CRHR1: variants seen among roughly 807,000 people sequenced by gnomAD.
CRHR1 encodes corticotropin releasing hormone receptor 1.
In CRHR1, 28 loss-of-function variants were observed where a neutral mutation model predicts 56.0. The observed-to-expected ratio is 0.50, with a 90% confidence interval of 0.37 to 0.69. The LOEUF (loss-of-function observed/expected upper bound fraction) is 0.69, where lower values mean the gene tolerates loss of function less well. Ranked by LOEUF, CRHR1 falls within the 30% of genes least tolerant of loss-of-function variation. The pLI is 0.00. For missense variants in CRHR1, 376 were observed against 548.0 expected (o/e 0.69, Z 3.13); for synonymous variants, 195 against 216.5 (o/e 0.90, Z 0.87).
intron 3 of CRHR1, among the ~76,000 whole-genome samples, chr17:45,820,964 C>T (rs1414086778): frequency 6.6e-6 from 1 of 152,134 alleles, no homozygotes; most frequent in Non-Finnish European, 1.5e-5. Flanking sequence ...TGAGGTCTCA[C>T]CATTTTTTTG....
chr17:45,784,481 G>T lies in CRHR1; in HGVS notation c.-64G>T, dbSNP rs1381665008. ...GTGCCGCCCGAGCCCGCAGCCGCCC[G>T]CCGGTCCCTCTGGGATGTCCGTAGG... On this transcript the variant is annotated 5_prime_UTR_variant, in exon 1 of 13. Transcript: ENST00000314537. The surrounding 1 kb of genome is among the most constrained non-coding windows in gnomAD (Gnocchi z 4.2). The T allele has an allele frequency of 2.1e-6, 3 of 1,457,542 alleles. No individual in the cohort carries two copies. The highest frequency in any genetic ancestry group is 2.7e-6 in the Non-Finnish European group (3 of 1,095,292). The allele number at this position is 1,457,542 out of a possible 1,614,324, so 90.3% of individuals were successfully genotyped here. A position where few individuals can be genotyped will look rare whatever the true frequency, so the allele number is the denominator to read the frequency against.
At chr17:45,833,574 T>C (rs1156828563) in intron 10 of CRHR1, 37 bp downstream of exon 10, 2 of 1,598,792 alleles carry the variant, frequency 1.3e-6, no homozygotes, top group African/African-American at 1.3e-5. Flanking sequence ...CTCCCCCTGA[T>C]GAAACCCCTG....
intron 1 of CRHR1, among the ~76,000 whole-genome samples, chr17:45,785,360 G>C (rs1197684463): frequency 6.6e-6 from 1 of 152,270 alleles, no homozygotes; most frequent in Non-Finnish European, 1.5e-5. Context: ...GGGCCGGGAG[G>C]CCGGCAGTCC....
Position 45,829,315 on chromosome 17 carries a change from G to A in CRHR1, c.428G>A (p.Arg143Gln), listed in dbSNP as rs748904088. ...ALLVAFVLFL[R>Q]LRSIRCLRNI... is the part of the protein sequence containing the mutation. ...CTGGTGGCCTTTGTCCTCTTTCTGC[G>A]GCTCAGGTGAGAAGACCCCAGCACT... Residue 143 changes from arginine (R) to glutamine (Q), a missense_variant, in exon 5 of 13, where the codon CGG (arginine) becomes CAG (glutamine). Physicochemically the swap from Arg to Gln is conservative, Grantham distance 43. Around this residue, in one of 2 missense-constraint regions of CRHR1, gnomAD observed 369 missense variants for 519.5 expected, o/e 0.71. Transcript: ENST00000314537. 37 of 1,613,264 alleles carry A rather than the reference G, an allele frequency of 2.3e-5. No homozygotes were observed. Among genetic ancestry groups the A allele is most frequent in the Non-Finnish European group, 2.9e-5 (34 of 1,179,666 alleles).
Position 45,830,226 on chromosome 17 carries a change from C to T in CRHR1, c.555+12C>T, listed in dbSNP as rs766455361. 1 of 1,613,764 alleles carries T rather than the reference C, an allele frequency of 6.2e-7. No individual in the cohort carries two copies. The highest frequency in any genetic ancestry group is 1.1e-5 in the South Asian group (1 of 91,054). The stretch of plus-strand genomic sequence containing the variant: ...ACCAGAGCAACGTGGTACGTCCTGG[C>T]AGGGGAGCGGGGAGCAGGTCAGGCC... On this transcript the variant is annotated intron_variant, in intron 6 of 12. Coordinates refer to ENST00000314537, the MANE Select transcript of CRHR1 (RefSeq NM_004382.5).
rs568017323 is a variant in CRHR1, at chr17:45,784,827, G to C, written c.33+250G>C. Among the ~76,000 whole-genome samples the C allele has an allele frequency of 1.3e-5, 2 of 152,306 alleles. No homozygotes were observed. Among genetic ancestry groups the C allele is most frequent in the East Asian group, 3.9e-4 (2 of 5,164 alleles). On this transcript the variant is annotated intron_variant, in intron 1 of 12. Transcript: ENST00000314537. The surrounding 1 kb of genome is among the most constrained non-coding windows in gnomAD (Gnocchi z 4.2). The stretch of plus-strand genomic sequence containing the variant: ...GGGATGTTGGCGGAGGAGGGGGTCC[G>C]CCCACCCGGGTAGCCGGCTCCGCGC...
At chr17:45,833,693 T>TGGGGCCCCCCCC in intron 10 of CRHR1, 21 bp from the exon 11 acceptor site, 9 of 1,571,572 alleles carry the variant, frequency 5.7e-6, no homozygotes, top group Non-Finnish European at 7.8e-6. Context: ...ACTCCGAGCC[T>TGGGGCCCCCCCC]CCCCACCCGC....
intron 1 of CRHR1, among the ~76,000 whole-genome samples, chr17:45,791,638 T>C (rs868681318): frequency 2.8e-4 from 42 of 152,040 alleles, no homozygotes; most frequent in African/African-American, 9.7e-4. Flanking sequence ...TCCTGGTGCC[T>C]GGGTGCCCGA....
Position 45,833,996 on chromosome 17 carries a change from C to T in CRHR1, c.1066-11C>T, listed in dbSNP as rs1359571832. The T allele has an allele frequency of 6.2e-7, 1 of 1,613,736 alleles. No homozygotes were observed. Among genetic ancestry groups the T allele is most frequent in the African/African-American group, 1.3e-5 (1 of 74,912 alleles). On this transcript the variant is annotated splice_polypyrimidine_tract_variant and intron_variant, in intron 11 of 12. Coordinates refer to ENST00000314537, the MANE Select transcript of CRHR1 (RefSeq NM_004382.5). ...GCAGCCGACCTTTGACGCCTCCTCT[C>T]TCCTCCCCAGGGCTTCTTTGTGTCT...
intron 4 of CRHR1, among the ~76,000 whole-genome samples, chr17:45,824,851 G>A (rs1286701833): frequency 6.6e-6 from 1 of 152,008 alleles, no homozygotes; most frequent in African/African-American, 2.4e-5. Context: ...TTCACCTGCC[G>A]CCCCCTGTCT....
At chr17:45,809,073 A>G (rs2061770746) in intron 2 of CRHR1, among the ~76,000 whole-genome samples, 1 of 152,222 alleles carries the variant, frequency 6.6e-6, no homozygotes, top group Non-Finnish European at 1.5e-5. Context: ...GGAATTTTCA[A>G]GGTGAATATT....
At position 45,829,296 on chromosome 17, in the gene CRHR1, G is replaced by T. The variant is rs2143219411; in HGVS notation, c.409G>T (p.Ala137Ser). ...HCISLVALLV[A>S]FVLFLRLRSI... Reference sequence around the variant, plus strand: ...TATCTCCCTGGTGGCCCTCCTGGTGGCCTTTGTCCTCTTTCTGCGGCTCAG... The same window carrying T: ...TATCTCCCTGGTGGCCCTCCTGGTGTCCTTTGTCCTCTTTCTGCGGCTCAG... The change falls in exon 5 of 13, where the codon GCC becomes TCC. Residue 137 changes from alanine to serine, a missense_variant. Coordinates refer to ENST00000314537, the MANE Select transcript of CRHR1 (RefSeq NM_004382.5). 1 of 1,614,002 alleles carries T rather than the reference G, an allele frequency of 6.2e-7. No homozygotes were observed. Among genetic ancestry groups the T allele is most frequent in the East Asian group, 2.2e-5 (1 of 44,878 alleles).
At chr17:45,829,566 G>T (rs2062245932) in intron 5 of CRHR1, 4 of 1,550,296 alleles carry the variant, frequency 2.6e-6, no homozygotes, top group Non-Finnish European at 3.5e-6. Context: ...CCCAGGCCAG[G>T]CTGCACCCAT....
chr17:45,791,563 C>T (rs1402093421), intron 1 of CRHR1, among the ~76,000 whole-genome samples: 1 of 152,158 alleles, frequency 6.6e-6, no homozygotes, highest in East Asian at 1.9e-4. Flanking sequence ...GGTTCTGAGG[C>T]CAGCGGTGGC....
intron 10 of CRHR1, 21 bp from the exon 11 acceptor site, chr17:45,833,693 T>TGGGGGGGGGCCCCCCC: frequency 1.9e-6 from 3 of 1,571,586 alleles, no homozygotes; most frequent in Non-Finnish European, 1.7e-6. Flanking sequence ...ACTCCGAGCC[T>TGGGGGGGGGCCCCCCC]CCCCACCCGC....
intron 8 of CRHR1, 73 bp downstream of exon 8, chr17:45,831,013 GCATTGGC>G (rs2062296884): frequency 6.9e-7 from 1 of 1,440,164 alleles, no homozygotes; most frequent in African/African-American, 1.4e-5. Context: ...CTCCCCACGG[GCATTGGC>G]CATGCTGGCT....
At chr17:45,821,232 C>A (rs1476805682) in intron 3 of CRHR1, 123 bp from the exon 4 acceptor site, 2 of 847,166 alleles carry the variant, frequency 2.4e-6, no homozygotes, top group African/African-American at 1.7e-5. Flanking sequence ...CACTACACAA[C>A]CCCCAGCCAG....
intron 1 of CRHR1, among the ~76,000 whole-genome samples, chr17:45,786,627 G>C (rs1598389474): frequency 7.4e-6 from 1 of 134,296 alleles, no homozygotes; most frequent in African/African-American, 2.7e-5. Flanking sequence ...GCTTTTACCA[G>C]AAAATATCCT....
chr17:45,819,662 G>T (rs2062000963), intron 3 of CRHR1, among the ~76,000 whole-genome samples: 1 of 112,708 alleles, frequency 8.9e-6, no homozygotes, highest in Admixed American at 9.6e-5. Flanking sequence ...TTGGCAATTG[G>T]AGAGAATCAG....
Sources: gnomAD v4.1 joint callset for allele counts (sites outside exome capture counted in the v4.1 genomes callset) on GRCh38, gnomAD v4.1.1 for gene constraint, gnomAD v4.1.1 regional missense constraint, Gnocchi (gnomAD v3.1) non-coding constraint, MANE v1.5 for transcripts, NCBI Gene and HGNC (gene_info 2026-07-23, HGNC 2026-07-21) for gene names.